The following ADTRP variants were observed in gnomAD, a reference collection of about 807,000 sequenced individuals.
ADTRP encodes the protein androgen dependent TFPI regulating protein.
In ADTRP, 20 loss-of-function variants were observed where a neutral mutation model predicts 27.0. The ratio of observed to expected loss-of-function variants is 0.74; its 90% CI spans 0.52 to 1.08. The LOEUF (loss-of-function observed/expected upper bound fraction) is 1.08, where lower values mean the gene tolerates loss of function less well. Ranked by LOEUF, ADTRP falls within the 50% of genes least tolerant of loss-of-function variation. The probability of loss-of-function intolerance (pLI) is 0.00; values close to 1 mark genes in which losing one functional copy is unlikely to be tolerated. For missense variants in ADTRP, 251 were observed against 275.0 expected (o/e 0.91, Z 0.62); for synonymous variants, 101 against 105.2 (o/e 0.96, Z 0.25).
chr6:11,778,034 A>C (rs752104452), intron 1 of ADTRP, among the ~76,000 whole-genome samples: 23 of 152,208 alleles, frequency 1.5e-4, no homozygotes, highest in South Asian at 2.1e-4. Context: ...ATTGGTTTTT[A>C]AATAGTTGAA....
In ADTRP at chr6:11,778,768, C is replaced by G. The variant is rs575642948; in HGVS notation, c.-9G>C. 1.4e-4 allele frequency: 228 copies of G among 1,612,484 alleles called. 5 individuals are homozygous for G. The South Asian group carries it at 2.4e-3, about 17-fold the overall frequency. Reference sequence around the variant, plus strand: ...GTAGAAGTCTTCGTCATGGCGAGTGCTGACCGGGGCACCGTGAATGTCTTG... The same window carrying G: ...GTAGAAGTCTTCGTCATGGCGAGTGGTGACCGGGGCACCGTGAATGTCTTG... On this transcript the variant is annotated 5_prime_UTR_variant, in exon 1 of 6. Coordinates refer to ENST00000414691, the MANE Select transcript of ADTRP (RefSeq NM_032744.4).
intron 3 of ADTRP, among the ~76,000 whole-genome samples, chr6:11,765,319 G>GTTTTTTT (rs770169717): frequency 8.0e-5 from 9 of 112,554 alleles, no homozygotes; most frequent in East Asian, 7.4e-4. Flanking sequence ...CTTTCCCCTG[G>GTTTTTTT]TTTGTTTTTT....
intron 4 of ADTRP, among the ~76,000 whole-genome samples, chr6:11,732,394 G>A (rs961143250): frequency 6.6e-6 from 1 of 152,136 alleles, no homozygotes; most frequent in East Asian, 1.9e-4. Context: ...ACATCTGACA[G>A]TGGGCCCATA....
rs1201847562 is a variant in ADTRP at position 11,771,415 on chromosome 6, G to A, written c.154-3032C>T. Among the ~76,000 whole-genome samples the A allele has an allele frequency of 2.0e-5, 3 of 152,222 alleles. No homozygotes were observed. The East Asian group carries it at 5.8e-4, about 29-fold the overall frequency. On this transcript the variant is annotated intron_variant, in intron 1 of 5. Transcript: ENST00000414691. ...AAAAGAAACCTGCAAGAGCTGGGGCGTGAAGGGGCTGCCAGGAGCAGCTGG... is the reference window on the plus strand; with the variant it reads ...AAAAGAAACCTGCAAGAGCTGGGGCATGAAGGGGCTGCCAGGAGCAGCTGG...
intron 1 of ADTRP, among the ~76,000 whole-genome samples, chr6:11,776,691 C>T (rs1159276662): frequency 1.3e-5 from 2 of 152,046 alleles, no homozygotes; most frequent in African/African-American, 2.4e-5. Flanking sequence ...GAGAGAACAC[C>T]GGGCAGAGAA....
intron 5 of ADTRP, chr6:11,717,176 A>T: frequency 1.1e-6 from 1 of 920,914 alleles, no homozygotes; most frequent in Non-Finnish European, 1.4e-6. Context: ...CTTGATTGAG[A>T]AGCATTTTTC....
At chr6:11,742,355 C>T (rs759430304) in intron 3 of ADTRP, among the ~76,000 whole-genome samples, 1 of 152,072 alleles carries the variant, frequency 6.6e-6, no homozygotes, top group Non-Finnish European at 1.5e-5. Flanking sequence ...CAATTAGCCC[C>T]ATACATCTTT....
chr6:11,770,309 A>G (rs765285143), intron 1 of ADTRP, among the ~76,000 whole-genome samples: 1 of 152,262 alleles, frequency 6.6e-6, no homozygotes, highest in African/African-American at 2.4e-5. Context: ...GATTCTAATC[A>G]CGGGCAGCTG....
intron 3 of ADTRP, chr6:11,738,696 C>G (rs1370068117): frequency 6.6e-6 from 1 of 152,212 alleles, no homozygotes; most frequent in Non-Finnish European, 1.5e-5. Flanking sequence ...TAACAAACAA[C>G]TCAGGAATGC....
chr6:11,730,858 A>C (rs768682412), intron 4 of ADTRP, among the ~76,000 whole-genome samples: 3 of 152,234 alleles, frequency 2.0e-5, no homozygotes, highest in Non-Finnish European at 4.4e-5. Flanking sequence ...CTGGTCTACC[A>C]AGAGCAGTGT....
At chr6:11,760,190 C>G (rs1034359597) in intron 3 of ADTRP, among the ~76,000 whole-genome samples, 1 of 152,178 alleles carries the variant, frequency 6.6e-6, no homozygotes, top group African/African-American at 2.4e-5. Flanking sequence ...TACTGCTTAT[C>G]TTCCCCACTG....
intron 3 of ADTRP, among the ~76,000 whole-genome samples, chr6:11,754,855 A>G (rs1473453061): frequency 1.3e-5 from 2 of 152,158 alleles, no homozygotes; most frequent in Admixed American, 6.5e-5. Flanking sequence ...AATTAGGAAG[A>G]GGAGTGTCAG....
intron 3 of ADTRP, among the ~76,000 whole-genome samples, chr6:11,755,820 A>C (rs1763198452): frequency 6.6e-6 from 1 of 152,184 alleles, no homozygotes; most frequent in Non-Finnish European, 1.5e-5. Flanking sequence ...ATCCAAGTAA[A>C]TATCTGGGTG....
At chr6:11,717,454 CACCATAGAT>C in intron 5 of ADTRP, 1 of 1,301,372 alleles carries the variant, frequency 7.7e-7, no homozygotes, top group South Asian at 1.2e-5. Context: ...CAATCAACAT[CACCATAGAT>C]ACCATATATA....
rs547777396 is a variant in ADTRP, at chr6:11,723,558, C to G, written c.507-58G>C. On this transcript the variant is annotated intron_variant, in intron 4 of 5. Coordinates refer to ENST00000414691, the MANE Select transcript of ADTRP (RefSeq NM_032744.4). ...CAGGAGGAGAAAAACAAGCCATTTT[C>G]TCATCAGGATTAATGAGGTACTGGT... 1,870 of 1,595,402 alleles carry G rather than the reference C, an allele frequency of 1.2e-3. 4 individuals carry two copies. The highest frequency in any genetic ancestry group is 2.3e-3 in the Middle Eastern group (14 of 5,958).
intron 1 of ADTRP, chr6:11,770,231 C>T (rs1251729943): frequency 6.8e-6 from 5 of 737,778 alleles, no homozygotes; most frequent in South Asian, 5.1e-5. Flanking sequence ...TTCCCACCCC[C>T]AGAGATTCTA....
chr6:11,771,249 C>G (rs1763768506), intron 1 of ADTRP, among the ~76,000 whole-genome samples: 1 of 152,246 alleles, frequency 6.6e-6, no homozygotes, highest in Admixed American at 6.5e-5. Flanking sequence ...ACGGGCCTCT[C>G]TAGGTGCCCA....
intron 4 of ADTRP, among the ~76,000 whole-genome samples, chr6:11,734,400 C>G (rs1478778417): frequency 6.6e-6 from 1 of 152,222 alleles, no homozygotes; most frequent in Non-Finnish European, 1.5e-5. Flanking sequence ...CAAGCTTAAG[C>G]CTCGTTCTCT....
chr6:11,758,586 G>C (rs990119118), intron 3 of ADTRP, among the ~76,000 whole-genome samples: 1 of 117,214 alleles, frequency 8.5e-6, no homozygotes, highest in African/African-American at 3.1e-5. Flanking sequence ...GGGGGGGGGG[G>C]ACGGATAGCA....
Sources: gnomAD v4.1 joint callset for allele counts (sites outside exome capture counted in the v4.1 genomes callset) on GRCh38, gnomAD v4.1.1 for gene constraint, MANE v1.5 for transcripts, NCBI Gene and HGNC (gene_info 2026-07-23, HGNC 2026-07-21) for gene names.